NOL8: variants seen among roughly 807,000 people sequenced by gnomAD.
The protein encoded by NOL8 is nucleolar protein Nop132.
In NOL8, 93 loss-of-function variants were observed where a neutral mutation model predicts 116.1. The observed-to-expected ratio is 0.80, with a 90% confidence interval of 0.68 to 0.95. The LOEUF (loss-of-function observed/expected upper bound fraction) is 0.95. Among genes scored for constraint, NOL8 ranks in the 40% least tolerant of loss-of-function variants. The pLI, the probability that NOL8 is intolerant of heterozygous loss-of-function variation, is 0.00. For missense variants in NOL8, 1,291 were observed against 1,382.8 expected (o/e 0.93, Z 1.05); for synonymous variants, 419 against 469.0 (o/e 0.89, Z 1.38).
chr9:92,305,427 G>GA (rs770592841), intron 12 of NOL8, among the ~76,000 whole-genome samples: 2 of 152,168 alleles, frequency 1.3e-5, no homozygotes, highest in Non-Finnish European at 2.9e-5. Flanking sequence ...GAACTGTAAA[G>GA]AAATAATTTT....
Position 92,315,421 on chromosome 9 carries a change from G to T in NOL8, c.1204C>A (p.Gln402Lys). 6.3e-7 allele frequency: 1 copy of T among 1,589,380 alleles called. No homozygotes were observed. The highest frequency in any genetic ancestry group is 8.6e-7 in the Non-Finnish European group (1 of 1,166,400). ...GTTTTCTTCGTAGATTTTTCCATTT[G>T]TGAAAATTCTGTACTGTTTTTGACC... ...AKVKNSTEFS[Q>K]MEKSTKKTSF... The change falls in exon 7 of 17, where the codon CAA becomes AAA. Residue 402 changes from glutamine (Q) to lysine (K), a missense_variant. Gln to Lys is a moderately conservative substitution (Grantham distance 53, BLOSUM62 1). Coordinates refer to ENST00000442668, the MANE Select transcript of NOL8 (RefSeq NM_017948.6).
At chr9:92,319,938 T>G (rs1839783360) in intron 4 of NOL8, 1 of 408,640 alleles carries the variant, frequency 2.4e-6, no homozygotes, top group Non-Finnish European at 4.9e-6. Flanking sequence ...CATGCACGCT[T>G]ATACCTGTGC....
chr9:92,311,133 C>T lies in NOL8; in HGVS notation c.2472+13G>A. On this transcript the variant is annotated intron_variant, in intron 8 of 16. Transcript: ENST00000442668. Reference sequence around the variant, plus strand: ...GTAGATGAATGTCCACAGAGACATCCTGAACTTCTTACTTTCACCCATTCC... The same window carrying T: ...GTAGATGAATGTCCACAGAGACATCTTGAACTTCTTACTTTCACCCATTCC... The T allele has an allele frequency of 6.3e-7, 1 of 1,588,106 alleles. No homozygotes were observed. Among genetic ancestry groups the T allele is most frequent in the Non-Finnish European group, 8.6e-7 (1 of 1,157,162 alleles).
In NOL8 at chr9:92,315,849, C is replaced by G. The variant is rs370196334; in HGVS notation, c.776G>C (p.Cys259Ser). The change falls in exon 7 of 17, where the codon TGT (cysteine) becomes TCT (serine). Residue 259 changes from cysteine to serine, a missense_variant. Physicochemically the swap from Cys to Ser is moderately radical, Grantham distance 112. Coordinates refer to ENST00000442668, the MANE Select transcript of NOL8 (RefSeq NM_017948.6). ...TGATTTAGAAGGAGTAATGGAATCA[C>G]AAGTTCTTTTTTGTGCAGCCTGTTG... is the stretch of plus-strand genomic sequence containing the variant. ...TQQQAAQKRTCDSITPSKSSP... is the reference protein window; with the variant it reads ...TQQQAAQKRTSDSITPSKSSP... 6.2e-7 allele frequency: 1 copy of G among 1,613,764 alleles called. No individual in the cohort carries two copies. Among genetic ancestry groups the G allele is most frequent in the African/African-American group, 1.3e-5 (1 of 74,890 alleles).
intron 5 of NOL8, 159 bp from the exon 6 acceptor site, chr9:92,318,845 TGA>T: frequency 1.8e-6 from 1 of 562,446 alleles, no homozygotes; most frequent in Non-Finnish European, 3.0e-6. Context: ...AGAAAAATTG[TGA>T]GAGGAAAGAA....
chr9:92,310,730 T>G, intron 8 of NOL8, 55 bp from the exon 9 acceptor site: 1 of 1,534,510 alleles, frequency 6.5e-7, no homozygotes, highest in South Asian at 1.3e-5. Context: ...AGTATTTCCC[T>G]TCATAACGTA....
At chr9:92,305,632 C>A in intron 12 of NOL8, 121 bp downstream of exon 12, 1 of 729,480 alleles carries the variant, frequency 1.4e-6, no homozygotes, top group Admixed American at 2.3e-5. Context: ...CTACCCCTAC[C>A]CCACCAATCT....
intron 3 of NOL8, 48 bp from the exon 4 acceptor site, chr9:92,321,794 T>C: frequency 1.1e-6 from 1 of 932,336 alleles, no homozygotes; most frequent in South Asian, 1.7e-5. Context: ...TAAAAATATA[T>C]TTCAGCTTGT....
At chr9:92,319,736 C>T (rs759183720) in intron 4 of NOL8, among the ~76,000 whole-genome samples, 24 of 152,198 alleles carry the variant, frequency 1.6e-4, no homozygotes, top group Admixed American at 9.8e-4. Flanking sequence ...TTGAAAACAT[C>T]ACTATGATTG....
Position 92,301,804 on chromosome 9 carries a change from C to CT in NOL8, c.2921dup (p.Lys975GlufsTer6). ...GTAGTTTCTCAGCTTCCTCCCTTTT[C>CT]TTTTTTCGTTTTGCTTTACTGAAAT... On this transcript the variant is annotated frameshift_variant, in exon 13 of 17. Transcript: ENST00000442668. LOFTEE classifies it high-confidence loss of function. The CT allele has an allele frequency of 6.3e-7, 1 of 1,589,834 alleles. No individual in the cohort carries two copies.
In NOL8 at chr9:92,319,246, G is replaced by A; in HGVS notation, c.392C>T (p.Pro131Leu). ...GGVDFHMKAVPGTEVPGHKNW... is the reference protein window; with the variant it reads ...GGVDFHMKAVLGTEVPGHKNW... ...CTTATGCCCTGGCACTTCTGTCCCTGGCACAGCTTTCATATGGAAATCCAC... is the reference window on the plus strand; with the variant it reads ...CTTATGCCCTGGCACTTCTGTCCCTAGCACAGCTTTCATATGGAAATCCAC... The change falls in exon 5 of 17, where the codon CCA becomes CTA. Residue 131 changes from proline to leucine, a missense_variant. Pro to Leu is a moderately conservative substitution (Grantham distance 98). Transcript: ENST00000442668. 1 of 1,582,180 alleles carries A rather than the reference G, an allele frequency of 6.3e-7. No individual in the cohort carries two copies. Among genetic ancestry groups the A allele is most frequent in the Non-Finnish European group, 8.6e-7 (1 of 1,167,626 alleles).
Position 92,299,911 on chromosome 9 carries a change from T to A in NOL8, c.3281A>T (p.Asp1094Val), listed in dbSNP as rs762948453. The change falls in exon 14 of 17, where the codon GAT becomes GTT. Residue 1094 changes from aspartate to valine, a missense_variant. Asp to Val is a radical substitution (Grantham distance 152). Transcript: ENST00000442668. ...TTACCCAGGACTGGAGTTTCTGTGA[T>A]CTGTTTCTTCAGTAACATCTTCCTC... Reference protein sequence around the residue: ...SEEEDVTEETDHRNSSPGEAS... With the variant: ...SEEEDVTEETVHRNSSPGEAS... The A allele has an allele frequency of 6.2e-7, 1 of 1,613,632 alleles. No homozygotes were observed. The highest frequency in any genetic ancestry group is 8.5e-7 in the Non-Finnish European group (1 of 1,179,640).
chr9:92,321,960 TCA>T (rs1839966971), intron 3 of NOL8, among the ~76,000 whole-genome samples: 1 of 152,232 alleles, frequency 6.6e-6, no homozygotes, highest in Admixed American at 6.5e-5. Flanking sequence ...ACTCCCTATC[TCA>T]CAGTGTTACT....
At position 92,297,733 on chromosome 9, in the gene NOL8, C is replaced by T; in HGVS notation, c.*103G>A. 2.4e-6 allele frequency: 2 copies of T among 830,440 alleles called. No individual in the cohort carries two copies. Among genetic ancestry groups the T allele is most frequent in the Non-Finnish European group, 3.7e-6 (2 of 541,908 alleles). The allele number at this position is 830,440 out of a possible 1,614,324, so 51.4% of individuals were successfully genotyped here. Reference sequence around the variant, plus strand: ...TTCCGTCAGCCAGATTTTTAAAATTCCTTCACTCTGAAATTTCTTCTTTGT... The same window carrying T: ...TTCCGTCAGCCAGATTTTTAAAATTTCTTCACTCTGAAATTTCTTCTTTGT... On this transcript the variant is annotated 3_prime_UTR_variant, in exon 17 of 17. Transcript: ENST00000442668.
chr9:92,301,532 T>C lies in NOL8; in HGVS notation c.3175+19A>G. On this transcript the variant is annotated intron_variant, in intron 13 of 16. Transcript: ENST00000442668. Reference sequence around the variant, plus strand: ...TCAAACTGAATAAAATAAAAAAGTATGGGAAAAAAGAAAAGTACCTTCCTT... The same window carrying C: ...TCAAACTGAATAAAATAAAAAAGTACGGGAAAAAAGAAAAGTACCTTCCTT... The C allele has an allele frequency of 3.9e-6, 6 of 1,541,448 alleles. No homozygotes were observed. The highest frequency in any genetic ancestry group is 5.2e-6 in the Non-Finnish European group (6 of 1,146,716).
chr9:92,323,596 A>C, intron 2 of NOL8, 93 bp from the exon 3 acceptor site: 4 of 1,039,692 alleles, frequency 3.8e-6, no homozygotes, highest in Non-Finnish European at 5.4e-6. Context: ...TTAAAAAAAA[A>C]AATAGCTCTT....
Position 92,310,266 on chromosome 9 carries a change from A to G in NOL8, c.2596-5T>C, listed in dbSNP as rs1159508174. On this transcript the variant is annotated splice_region_variant and splice_polypyrimidine_tract_variant and intron_variant, in intron 9 of 16. Coordinates refer to ENST00000442668, the MANE Select transcript of NOL8 (RefSeq NM_017948.6). The stretch of plus-strand genomic sequence containing the variant: ...GTGCGACTGTAAATCCATGAGCTAC[A>G]CAGACAGAAAACATACATAATTGAT... 51 of 1,600,462 alleles carry G rather than the reference A, an allele frequency of 3.2e-5. No homozygotes were observed. Among genetic ancestry groups the G allele is most frequent in the Non-Finnish European group, 4.1e-5 (48 of 1,173,150 alleles).
At chr9:92,303,285 A>G (rs2134091022) in intron 12 of NOL8, among the ~76,000 whole-genome samples, 1 of 152,332 alleles carries the variant, frequency 6.6e-6, no homozygotes, top group South Asian at 2.1e-4. Flanking sequence ...TTGGCAAACT[A>G]TAGTCCATGG....
intron 5 of NOL8, 126 bp from the exon 6 acceptor site, chr9:92,318,812 CAATG>C (rs1426924596): frequency 6.8e-6 from 4 of 592,514 alleles, no homozygotes; most frequent in Non-Finnish European, 1.1e-5. Context: ...AGTTTTCTGA[CAATG>C]AAATAAGAGT....
Sources: allele counts gnomAD v4.1 joint callset (sites outside exome capture counted in the v4.1 genomes callset), GRCh38; gene constraint gnomAD v4.1.1; transcripts MANE v1.5; gene names NCBI Gene and HGNC (gene_info 2026-07-23, HGNC 2026-07-21).